The following CDK7 variants were observed in gnomAD, a reference collection of about 807,000 sequenced individuals.
CDK7 encodes cyclin dependent kinase 7.
CDK7 carries 25 observed loss-of-function variants against 49.1 expected under a neutral mutation model. The observed-to-expected ratio is 0.51, with a 90% confidence interval of 0.37 to 0.71. The LOEUF is 0.71. Among genes scored for constraint, CDK7 ranks in the 30% least tolerant of loss-of-function variants. The pLI, the probability that CDK7 is intolerant of heterozygous loss-of-function variation, is 0.00. For missense variants in CDK7, 316 were observed against 411.7 expected (o/e 0.77, Z 2.01); for synonymous variants, 107 against 140.0 (o/e 0.76, Z 1.67).
intron 8 of CDK7, among the ~76,000 whole-genome samples, chr5:69,267,550 C>T (rs914608088): frequency 1.9e-4 from 29 of 152,094 alleles, no homozygotes; most frequent in Non-Finnish European, 3.2e-4. Context: ...ACTCGCCTCA[C>T]CCTCCTAAAG....
intron 2 of CDK7, among the ~76,000 whole-genome samples, chr5:69,236,662 A>AT (rs979921049): frequency 5.4e-5 from 8 of 149,242 alleles, no homozygotes; most frequent in Non-Finnish European, 7.4e-5. Flanking sequence ...TTTATTTTTT[A>AT]TTTTTTTTGA....
intron 2 of CDK7, among the ~76,000 whole-genome samples, chr5:69,247,935 G>A (rs1322550770): frequency 1.3e-5 from 2 of 152,014 alleles, no homozygotes; most frequent in Non-Finnish European, 2.9e-5. Context: ...TTTTTGATTG[G>A]TTCATTTTTT....
At chr5:69,252,494 CTTTTTT>C (rs138764556) in intron 3 of CDK7, 43 bp downstream of exon 3, 11,196 of 360,848 alleles carry the variant, frequency 0.031, 24 homozygotes, top group Middle Eastern at 0.051. Flanking sequence ...AAGTTTTCTC[CTTTTTT>C]TTTTTTTTTT....
intron 8 of CDK7, among the ~76,000 whole-genome samples, chr5:69,262,752 A>T (rs1750918286): frequency 6.6e-6 from 1 of 152,186 alleles, no homozygotes; most frequent in African/African-American, 2.4e-5. Flanking sequence ...AAATAGTCCA[A>T]TTTTTAAAAA....
At chr5:69,271,853 GTTTTATAC>G (rs1197875802) in intron 9 of CDK7, among the ~76,000 whole-genome samples, 2 of 151,578 alleles carry the variant, frequency 1.3e-5, no homozygotes, top group East Asian at 3.9e-4. Context: ...AAGTTTTGTA[GTTTTATAC>G]TTAAGTCCAA....
At chr5:69,243,831 T>TTTTG (rs1749543537) in intron 2 of CDK7, among the ~76,000 whole-genome samples, 1 of 126,594 alleles carries the variant, frequency 7.9e-6, no homozygotes, top group African/African-American at 3.6e-5. Context: ...TAGTTGTTTT[T>TTTTG]TTTTTTTTTT....
intron 2 of CDK7, 38 bp from the exon 3 acceptor site, chr5:69,252,380 A>C (rs927293046): frequency 9.4e-6 from 12 of 1,273,976 alleles, no homozygotes; most frequent in African/African-American, 1.5e-5. Flanking sequence ...AATTTAACAC[A>C]TTTTTAATAT....
At chr5:69,244,860 A>G (rs772566398) in intron 2 of CDK7, among the ~76,000 whole-genome samples, 15 of 152,224 alleles carry the variant, frequency 9.9e-5, no homozygotes, top group Non-Finnish European at 1.9e-4. Context: ...ATGTTCTTCT[A>G]TACCCAGTTT....
At chr5:69,259,979 A>C in intron 7 of CDK7, 43 bp downstream of exon 7, 1 of 1,178,568 alleles carries the variant, frequency 8.5e-7, no homozygotes, top group East Asian at 2.3e-5. Flanking sequence ...TTTGATCAGA[A>C]ATGAGCATCA....
intron 10 of CDK7, among the ~76,000 whole-genome samples, chr5:69,274,029 CT>C (rs1438966432): frequency 6.6e-6 from 1 of 152,090 alleles, no homozygotes. Flanking sequence ...TACACATACT[CT>C]TTTAATTTCA....
chr5:69,272,126 C>G (rs369468575), intron 9 of CDK7, among the ~76,000 whole-genome samples: 2 of 152,048 alleles, frequency 1.3e-5, no homozygotes, highest in South Asian at 4.1e-4. Context: ...TCGAAGTGTT[C>G]CAGCAGTATT....
At chr5:69,269,342 T>G (rs774253681) in intron 9 of CDK7, 49 bp downstream of exon 9, 2 of 1,304,472 alleles carry the variant, frequency 1.5e-6, no homozygotes, top group Non-Finnish European at 2.2e-6. Context: ...CTCTGTAAAG[T>G]TCTTAAACTG....
intron 2 of CDK7, among the ~76,000 whole-genome samples, chr5:69,246,370 C>T (rs1384440329): frequency 2.6e-5 from 4 of 152,032 alleles, no homozygotes; most frequent in East Asian, 1.9e-4. Flanking sequence ...CTTCTGACCT[C>T]GTGATCTGCC....
chr5:69,262,241 G>A lies in CDK7; in HGVS notation c.564G>A (p.Arg188=), dbSNP rs759307878. ...YRAPELLFGA[R]MYGVGVDMWA... is the part of the protein sequence containing the mutation. ...CCCCCGAGTTACTATTTGGAGCTAG[G>A]ATGTATGGTGTAGGTGTGGACATGT... Residue 188 remains arginine, a synonymous_variant, in exon 8 of 12, where the codon AGG becomes AGA. Transcript: ENST00000256443. 1.9e-6 allele frequency: 3 copies of A among 1,613,946 alleles called. No homozygotes were observed. The highest frequency in any genetic ancestry group is 2.5e-6 in the Non-Finnish European group (3 of 1,180,020).
At chr5:69,260,572 T>C (rs1750752353) in intron 7 of CDK7, among the ~76,000 whole-genome samples, 1 of 152,184 alleles carries the variant, frequency 6.6e-6, no homozygotes, top group Non-Finnish European at 1.5e-5. Flanking sequence ...TTGGACCCAT[T>C]TTTATTATGT....
chr5:69,274,989 G>T (rs534256224), intron 10 of CDK7, among the ~76,000 whole-genome samples: 5 of 151,722 alleles, frequency 3.3e-5, no homozygotes, highest in African/African-American at 9.7e-5. Flanking sequence ...ATGTGAACCC[G>T]GGAGGTGGAG....
intron 4 of CDK7, 149 bp downstream of exon 4, chr5:69,254,818 G>T (rs1170577760): frequency 5.2e-6 from 3 of 576,942 alleles, no homozygotes; most frequent in African/African-American, 3.7e-5. Context: ...AGTTGTTTTG[G>T]TAGGCATTGT....
intron 2 of CDK7, among the ~76,000 whole-genome samples, chr5:69,248,925 T>C (rs1450250655): frequency 1.3e-5 from 2 of 148,564 alleles, no homozygotes; most frequent in Non-Finnish European, 3.0e-5. Flanking sequence ...TGCCTTAGCC[T>C]CCTGAGTAGC....
At chr5:69,248,802 C>CTTTTTTTTTTTTTTT (rs70992911) in intron 2 of CDK7, among the ~76,000 whole-genome samples, 89 of 92,236 alleles carry the variant, frequency 9.6e-4, no homozygotes, top group African/African-American at 1.5e-3. Flanking sequence ...TTTTTTTTTT[C>CTTTTTTTTTTTTTTT]TTTTTTTTTT....
Sources: allele counts gnomAD v4.1 joint callset (sites outside exome capture counted in the v4.1 genomes callset), GRCh38; gene constraint gnomAD v4.1.1; transcripts MANE v1.5; gene names NCBI Gene and HGNC (gene_info 2026-07-23, HGNC 2026-07-21).